Variants in NID2 observed in about 807,000 individuals in gnomAD.
The protein encoded by NID2 is nidogen-2.
A neutral mutation model predicts 145.4 loss-of-function variants in NID2; 83 were observed. That is an observed-to-expected ratio of 0.57 (90% CI 0.48 to 0.69). The LOEUF is 0.69. Ranked by LOEUF, NID2 falls within the 30% of genes least tolerant of loss-of-function variation. NID2 has a pLI of 0.00. For missense variants in NID2, 1,807 were observed against 1,765.7 expected, an observed-to-expected ratio of 1.02 and a Z score of -0.42; for synonymous variants, 739 against 701.3, an observed-to-expected ratio of 1.05 and a Z score of -0.85.
rs1446120683 is a variant in NID2, at chr14:52,011,020, A to G, written c.3578T>C (p.Ile1193Thr). 7 of 1,614,172 alleles carry G rather than the reference A, an allele frequency of 4.3e-6. No homozygotes were observed. Among genetic ancestry groups the G allele is most frequent in the Non-Finnish European group, 5.9e-6 (7 of 1,180,022 alleles). The change falls in exon 18 of 22, where the codon ATA becomes ACA. Residue 1193 changes from isoleucine to threonine, a missense_variant. Transcript: ENST00000216286. ...SGLISPEGLAIDHIRRTMYWT... is the reference protein window; with the variant it reads ...SGLISPEGLATDHIRRTMYWT... The stretch of plus-strand genomic sequence containing the variant: ...GTACATTGTTCTGCGGATGTGGTCT[A>G]TGGCAAGTCCTTCAGGGCTTATCAG...
intron 16 of NID2, among the ~76,000 whole-genome samples, chr14:52,012,756 T>G (rs1891080375): frequency 6.6e-6 from 1 of 152,244 alleles, no homozygotes; most frequent in East Asian, 1.9e-4. Flanking sequence ...CTGATATTTT[T>G]CCTCAACTCC....
chr14:52,019,665 CACGAG>C (rs898433820), intron 13 of NID2, among the ~76,000 whole-genome samples: 6 of 152,170 alleles, frequency 3.9e-5, no homozygotes, highest in African/African-American at 1.4e-4. Flanking sequence ...ACTCACCACT[CACGAG>C]ACTGCACCAA....
Position 52,030,571 on chromosome 14 carries a change from A to AAC in NID2, c.2258-882_2258-881insGT. Among the ~76,000 whole-genome samples, 2 of 57,562 alleles carry AAC rather than the reference A, an allele frequency of 3.5e-5. 1 individual carries two copies. Among genetic ancestry groups the AAC allele is most frequent in the South Asian group, 1.4e-3 (2 of 1,384 alleles). 37.8% of individuals were successfully genotyped at this position (57,562 alleles called of 152,430 possible). ...AAGAAAGAAAGAAAGAAAGAAAGGA[A>AAC]GGAAGGGAAAGAAAGAAAGAAAGAA... On this transcript the variant is annotated intron_variant, in intron 9 of 21. Transcript: ENST00000216286.
intron 8 of NID2, 127 bp from the exon 9 acceptor site, chr14:52,039,104 A>G: frequency 1.5e-6 from 1 of 686,486 alleles, no homozygotes. Flanking sequence ...TCCTGAGTTT[A>G]TATGAAAAAA....
At chr14:52,057,575 C>T (rs1253646345) in intron 3 of NID2, among the ~76,000 whole-genome samples, 1 of 151,060 alleles carries the variant, frequency 6.6e-6, no homozygotes. Flanking sequence ...TGGTGGTGGG[C>T]GCCTGTAATC....
At chr14:52,013,328 C>CT (rs2140351136) in intron 16 of NID2, among the ~76,000 whole-genome samples, 1 of 152,338 alleles carries the variant, frequency 6.6e-6, no homozygotes, top group African/African-American at 2.4e-5. Flanking sequence ...TTCTTAGTCT[C>CT]TACCTCTTCC....
rs189238777 is a variant in NID2 at position 52,023,323 on chromosome 14, C to A, written c.2675-3145G>T. Among the ~76,000 whole-genome samples the A allele has an allele frequency of 1.3e-3, 180 of 141,478 alleles. 3 individuals are homozygous for A. The highest frequency in any genetic ancestry group is 2.3e-4 in the Non-Finnish European group (15 of 65,458). 92.8% of individuals were successfully genotyped at this position (141,478 alleles called of 152,430 possible). ...GAAACCCCATCTCTACAAGAGATAC[C>A]AAAATTAGCTGGGCATGCTACTTGG... On this transcript the variant is annotated intron_variant, in intron 12 of 21. Transcript: ENST00000216286.
At chr14:52,016,197 G>A (rs1891209565) in intron 14 of NID2, among the ~76,000 whole-genome samples, 2 of 152,200 alleles carry the variant, frequency 1.3e-5, no homozygotes, top group Non-Finnish European at 2.9e-5. Context: ...GTTGTTCTGA[G>A]AAGACTCTGC....
chr14:52,066,468 A>G (rs1458444045), intron 2 of NID2, among the ~76,000 whole-genome samples: 1 of 152,294 alleles, frequency 6.6e-6, no homozygotes, highest in African/African-American at 2.4e-5. Flanking sequence ...GATTGTGTGT[A>G]ATACAAAGGA....
chr14:52,014,016 A>C (rs921088688), intron 16 of NID2, among the ~76,000 whole-genome samples: 1 of 152,214 alleles, frequency 6.6e-6, no homozygotes, highest in Non-Finnish European at 1.5e-5. Flanking sequence ...TACAGCCTCC[A>C]TGTGCTGACA....
chr14:52,032,698 C>G (rs117863420), intron 9 of NID2, among the ~76,000 whole-genome samples: 2,149 of 151,914 alleles, frequency 0.014, 30 homozygotes, highest in Middle Eastern at 0.031. Flanking sequence ...GCTTAGCCTT[C>G]TTATTCAGTA....
intron 8 of NID2, among the ~76,000 whole-genome samples, chr14:52,039,291 G>A (rs566249534): frequency 2.0e-4 from 30 of 152,288 alleles, no homozygotes; most frequent in African/African-American, 6.5e-4. Context: ...CTGGTGAGGT[G>A]GGCACTAAAT....
intron 9 of NID2, among the ~76,000 whole-genome samples, chr14:52,034,016 C>T (rs1266512552): frequency 1.3e-5 from 2 of 152,094 alleles, no homozygotes; most frequent in African/African-American, 4.8e-5. Flanking sequence ...AATAACCCCA[C>T]CCCCACCCCA....
At chr14:52,020,489 G>T (rs1407580970) in intron 12 of NID2, among the ~76,000 whole-genome samples, 1 of 152,186 alleles carries the variant, frequency 6.6e-6, no homozygotes, top group Admixed American at 6.5e-5. Flanking sequence ...TGAATTCAAG[G>T]AAGTTATTAC....
At chr14:52,012,120 G>A (rs1451126916) in intron 16 of NID2, 1 of 152,780 alleles carries the variant, frequency 6.5e-6, no homozygotes, top group Non-Finnish European at 1.5e-5. Flanking sequence ...ATATTTTACT[G>A]GGTAAAAACT....
chr14:52,067,461 T>C (rs1893259456), intron 2 of NID2, among the ~76,000 whole-genome samples: 1 of 152,114 alleles, frequency 6.6e-6, no homozygotes, highest in Non-Finnish European at 1.5e-5. Context: ...AAATGAGTGG[T>C]TGTTTTCTTT....
At chr14:52,018,901 C>G (rs982708977) in intron 14 of NID2, among the ~76,000 whole-genome samples, 160 bp downstream of exon 14, 5 of 152,220 alleles carry the variant, frequency 3.3e-5, no homozygotes, top group African/African-American at 1.2e-4. Flanking sequence ...CCTTATGACA[C>G]AAACATGCAT....
chr14:52,035,202 T>C (rs1263683532), intron 9 of NID2, among the ~76,000 whole-genome samples: 2 of 152,336 alleles, frequency 1.3e-5, no homozygotes, highest in Non-Finnish European at 1.5e-5. Flanking sequence ...TAATGGCCTA[T>C]AACCAACATT....
At chr14:52,019,980 C>A (rs1186812876) in intron 13 of NID2, 79 bp downstream of exon 13, 1 of 1,564,486 alleles carries the variant, frequency 6.4e-7, no homozygotes, top group Non-Finnish European at 8.7e-7. Flanking sequence ...CAGGCTAAAT[C>A]AAGAGTGGGC....
Sources: allele counts gnomAD v4.1 joint callset (sites outside exome capture counted in the v4.1 genomes callset), GRCh38; gene constraint gnomAD v4.1.1; transcripts MANE v1.5; gene names NCBI Gene and HGNC (gene_info 2026-07-23, HGNC 2026-07-21).